The following PCNX2 variants were observed in gnomAD, a reference collection of about 807,000 sequenced individuals.
PCNX2 encodes the protein pecanex-like protein 2.
Under a neutral mutation model 223.8 loss-of-function variants are expected in PCNX2, and 168 were observed. The observed-to-expected ratio is 0.75, with a 90% CI of 0.66 to 0.85. The LOEUF (loss-of-function observed/expected upper bound fraction) is 0.85. Ranked by LOEUF, PCNX2 falls within the 40% of genes least tolerant of loss-of-function variation. The pLI is 0.00. For missense variants in PCNX2, 2,507 were observed against 2,675.5 expected (o/e 0.94, Z 1.39); for synonymous variants, 1,006 against 1,052.6 (o/e 0.96, Z 0.86).
At chr1:233,018,822 A>C (rs943250071) in intron 26 of PCNX2, 2 of 985,326 alleles carry the variant, frequency 2.0e-6, no homozygotes, top group African/African-American at 3.5e-5. Context: ...GGAGGCAGGG[A>C]TGTGTGCTCC....
At chr1:233,106,665 G>A (rs1383461532) in intron 21 of PCNX2, among the ~76,000 whole-genome samples, 1 of 152,098 alleles carries the variant, frequency 6.6e-6, no homozygotes, top group African/African-American at 2.4e-5. Context: ...AATCTTGTGT[G>A]TAGCGAATCC....
At chr1:233,053,950 A>G (rs1672098763) in intron 25 of PCNX2, among the ~76,000 whole-genome samples, 1 of 152,188 alleles carries the variant, frequency 6.6e-6, no homozygotes, top group South Asian at 2.1e-4. Context: ...CTCCATTTGG[A>G]ACCCCAAATG....
At chr1:233,170,505 T>C (rs1472895927) in intron 17 of PCNX2, among the ~76,000 whole-genome samples, 2 of 152,224 alleles carry the variant, frequency 1.3e-5, no homozygotes, top group Non-Finnish European at 1.5e-5. Flanking sequence ...GGTTTTCTTA[T>C]TGATTTAGAG....
intron 25 of PCNX2, among the ~76,000 whole-genome samples, chr1:233,046,271 C>A (rs933231521): frequency 6.6e-6 from 1 of 151,926 alleles, no homozygotes; most frequent in Admixed American, 6.6e-5. Context: ...TAAATTTGAC[C>A]AAAATAAAGC....
intron 15 of PCNX2, among the ~76,000 whole-genome samples, chr1:233,184,380 T>G (rs761257531): frequency 2.5e-4 from 38 of 152,206 alleles, no homozygotes; most frequent in African/African-American, 8.7e-4. Context: ...CCTTTCTTAA[T>G]GAGATTTAAA....
intron 19 of PCNX2, among the ~76,000 whole-genome samples, chr1:233,147,949 A>G (rs1448808193): frequency 2.0e-5 from 3 of 152,246 alleles, no homozygotes; most frequent in Non-Finnish European, 2.9e-5. Context: ...TAAGTTACAA[A>G]ACCTTTACTA....
intron 25 of PCNX2, chr1:233,047,187 A>G (rs1671851753): frequency 5.0e-6 from 1 of 198,498 alleles, no homozygotes; most frequent in African/African-American, 2.4e-5. Context: ...ACCACTGGCC[A>G]ACCCATGCAA....
intron 1 of PCNX2, among the ~76,000 whole-genome samples, chr1:233,267,552 C>T (rs530314312): frequency 1.7e-4 from 25 of 150,848 alleles, no homozygotes; most frequent in African/African-American, 5.6e-4. Flanking sequence ...TGGCAACCAC[C>T]GTTCTACTTT....
chr1:233,112,056 A>G (rs1675147790), intron 21 of PCNX2, among the ~76,000 whole-genome samples: 1 of 152,214 alleles, frequency 6.6e-6, no homozygotes, highest in Non-Finnish European at 1.5e-5. Context: ...ATTTTATAGT[A>G]ACTATCTCAG....
At chr1:233,031,754 C>T (rs1671273199) in intron 25 of PCNX2, 5 of 984,992 alleles carry the variant, frequency 5.1e-6, no homozygotes, top group Non-Finnish European at 6.0e-6. Flanking sequence ...TCTGCCAGAC[C>T]TCCTTGCTTT....
chr1:233,053,666 A>G, intron 25 of PCNX2, among the ~76,000 whole-genome samples: 1 of 152,208 alleles, frequency 6.6e-6, no homozygotes, highest in East Asian at 1.9e-4. Flanking sequence ...TACATCACTT[A>G]TGCCACTTTC....
intron 25 of PCNX2, among the ~76,000 whole-genome samples, chr1:233,037,678 T>C (rs1391731587): frequency 6.6e-6 from 1 of 152,194 alleles, no homozygotes; most frequent in Non-Finnish European, 1.5e-5. Context: ...TGGCCCAGTA[T>C]GCAATAGACA....
At chr1:233,293,732 A>G (rs1028013713) in intron 1 of PCNX2, among the ~76,000 whole-genome samples, 5 of 152,178 alleles carry the variant, frequency 3.3e-5, no homozygotes, top group Non-Finnish European at 5.9e-5. Flanking sequence ...TTCATCTATT[A>G]ATTCACTCAG....
chr1:233,283,985 C>A (rs1661319764), intron 1 of PCNX2, among the ~76,000 whole-genome samples: 1 of 152,146 alleles, frequency 6.6e-6, no homozygotes, highest in African/African-American at 2.4e-5. Context: ...TGGGAGAATT[C>A]TGTCCCTCTG....
At chr1:233,087,705 G>A (rs1490728656) in intron 23 of PCNX2, among the ~76,000 whole-genome samples, 1 of 152,114 alleles carries the variant, frequency 6.6e-6, no homozygotes. Flanking sequence ...AGGACGCTGC[G>A]TTCTGATGCC....
In PCNX2 at chr1:233,031,783, T is replaced by C. The variant is rs1671274264; in HGVS notation, c.4352-6384A>G. The C allele has an allele frequency of 3.1e-6, 3 of 977,080 alleles. No homozygotes were observed. The South Asian group carries it at 1.4e-4, about 47-fold the overall frequency. The allele number at this position is 977,080 out of a possible 1,614,324, so 60.5% of individuals were successfully genotyped here. On this transcript the variant is annotated intron_variant, in intron 25 of 33. Transcript: ENST00000258229. ...TTGCTTTGGCTCTTGGCTGAAAGCA[T>C]TCTTTTTTTTTTTTTTTTTTAAACA...
chr1:233,054,191 C>A, intron 25 of PCNX2, 77 bp downstream of exon 25: 1 of 1,359,710 alleles, frequency 7.4e-7, no homozygotes, highest in South Asian at 1.3e-5. Flanking sequence ...TTAACAGTGA[C>A]TTCTTCCTAA....
At chr1:233,060,952 C>G (rs1422767496) in intron 23 of PCNX2, among the ~76,000 whole-genome samples, 1 of 152,186 alleles carries the variant, frequency 6.6e-6, no homozygotes, top group Non-Finnish European at 1.5e-5. Context: ...CAAACTTGGC[C>G]TTTCCACCCC....
chr1:233,222,891 T>C (rs1170462983), intron 10 of PCNX2, among the ~76,000 whole-genome samples: 1 of 152,146 alleles, frequency 6.6e-6, no homozygotes, highest in African/African-American at 2.4e-5. Context: ...AATCATGAGA[T>C]GTCAATTTGG....
Sources: allele counts gnomAD v4.1 joint callset (sites outside exome capture counted in the v4.1 genomes callset), GRCh38; gene constraint gnomAD v4.1.1; transcripts MANE v1.5; gene names NCBI Gene and HGNC (gene_info 2026-07-23, HGNC 2026-07-21).